CLEC16A: variants seen among roughly 807,000 people sequenced by gnomAD.
CLEC16A encodes C-type lectin domain containing 16A.
CLEC16A carries 51 observed loss-of-function variants against 109.5 expected under a neutral mutation model. The ratio of observed to expected loss-of-function variants is 0.47; its 90% CI spans 0.37 to 0.59. The LOEUF (loss-of-function observed/expected upper bound fraction) is 0.59, where lower values mean the gene tolerates loss of function less well. Ranked by LOEUF, CLEC16A falls within the 20% of genes least tolerant of loss-of-function variation. CLEC16A has a pLI of 0.00. For synonymous variants in CLEC16A, 673 were observed against 564.2 expected (o/e 1.19, Z -2.73); for missense variants, 1,339 against 1,394.0 (o/e 0.96, Z 0.63).
intron 12 of CLEC16A, among the ~76,000 whole-genome samples, chr16:11,020,666 C>A (rs2046046328): frequency 6.6e-6 from 1 of 152,244 alleles, no homozygotes. Context: ...AGGAAGGATC[C>A]CCTCAGTAGC....
At chr16:11,083,103 A>T (rs1288762051) in intron 19 of CLEC16A, among the ~76,000 whole-genome samples, 1 of 152,170 alleles carries the variant, frequency 6.6e-6, no homozygotes, top group East Asian at 1.9e-4. Flanking sequence ...TCAGCAGCTC[A>T]CCATGTAGGG....
chr16:11,051,406 A>C (rs2047933205), intron 17 of CLEC16A, 107 bp from the exon 18 acceptor site: 2 of 1,150,238 alleles, frequency 1.7e-6, no homozygotes, highest in Non-Finnish European at 2.5e-6. Context: ...ACTCATTTAC[A>C]TTTACTAAAT....
intron 10 of CLEC16A, among the ~76,000 whole-genome samples, chr16:10,985,202 C>CAAAAA (rs1157089518): frequency 9.6e-6 from 1 of 103,690 alleles, no homozygotes; most frequent in African/African-American, 3.9e-5. Flanking sequence ...GACTCCATCT[C>CAAAAA]AAAAAAAAAA....
chr16:10,980,480 G>T (rs1225632656), intron 9 of CLEC16A, among the ~76,000 whole-genome samples: 1 of 151,984 alleles, frequency 6.6e-6, no homozygotes, highest in Non-Finnish European at 1.5e-5. Flanking sequence ...CTCAGCCCCA[G>T]GAATCATATG....
chr16:11,031,293 G>A (rs2046728070), intron 13 of CLEC16A, among the ~76,000 whole-genome samples: 1 of 151,528 alleles, frequency 6.6e-6, no homozygotes, highest in Non-Finnish European at 1.5e-5. Context: ...TGGTGTAGAT[G>A]CCAGGCTCCA....
intron 5 of CLEC16A, chr16:10,971,642 G>GAAC (rs1273046553): frequency 4.4e-6 from 2 of 459,218 alleles, no homozygotes; most frequent in Non-Finnish European, 5.7e-6. Context: ...GTCACATTGT[G>GAAC]AACAGCAGGG....
intron 19 of CLEC16A, among the ~76,000 whole-genome samples, chr16:11,069,539 A>G (rs554542766): frequency 6.6e-5 from 10 of 152,142 alleles, no homozygotes; most frequent in African/African-American, 1.4e-4. Flanking sequence ...GGCTCAAGCA[A>G]TCCTACTGCT....
intron 22 of CLEC16A, among the ~76,000 whole-genome samples, chr16:11,140,596 C>T (rs1162559056): frequency 3.3e-5 from 5 of 152,128 alleles, no homozygotes; most frequent in African/African-American, 9.7e-5. Flanking sequence ...CTGGCCTGTC[C>T]TCCTGTCCCC....
intron 19 of CLEC16A, among the ~76,000 whole-genome samples, chr16:11,075,569 T>C (rs2049324919): frequency 6.6e-6 from 1 of 152,050 alleles, no homozygotes; most frequent in South Asian, 2.1e-4. Flanking sequence ...CTAGAGTAGC[T>C]GGGACCACAG....
intron 11 of CLEC16A, among the ~76,000 whole-genome samples, chr16:11,009,117 C>T (rs926429381): frequency 2.0e-5 from 3 of 152,218 alleles, no homozygotes; most frequent in Non-Finnish European, 4.4e-5. Context: ...CTCCCCACCC[C>T]ACCCTTTGAT....
At chr16:11,013,316 T>C (rs951120661) in intron 11 of CLEC16A, among the ~76,000 whole-genome samples, 10 of 152,214 alleles carry the variant, frequency 6.6e-5, no homozygotes, top group Admixed American at 1.3e-4. Context: ...CAGAGTGGAT[T>C]TGGTATTCAT....
At chr16:11,089,713 A>G (rs1346997794) in intron 19 of CLEC16A, among the ~76,000 whole-genome samples, 1 of 152,176 alleles carries the variant, frequency 6.6e-6, no homozygotes, top group African/African-American at 2.4e-5. Context: ...TTCTTCCCAT[A>G]TATCCCAGGT....
chr16:11,033,642 A>G (rs571605468), intron 13 of CLEC16A, among the ~76,000 whole-genome samples: 2 of 152,250 alleles, frequency 1.3e-5, no homozygotes, highest in African/African-American at 2.4e-5. Flanking sequence ...TTACCCCCCA[A>G]ATCAGGTCCC....
chr16:11,168,391 C>T (rs2068362073), intron 23 of CLEC16A, among the ~76,000 whole-genome samples: 1 of 152,210 alleles, frequency 6.6e-6, no homozygotes, highest in Non-Finnish European at 1.5e-5. Context: ...AGAGTCAGGA[C>T]CTCCGAGGTG....
intron 10 of CLEC16A, among the ~76,000 whole-genome samples, chr16:10,989,323 C>T (rs538694238): frequency 1.3e-5 from 2 of 152,096 alleles, no homozygotes; most frequent in Admixed American, 6.6e-5. Context: ...CCAGGTCAAA[C>T]GATCCTCCCA....
chr16:11,157,479 A>G (rs959276352), intron 22 of CLEC16A, among the ~76,000 whole-genome samples: 1 of 152,172 alleles, frequency 6.6e-6, no homozygotes, highest in Non-Finnish European at 1.5e-5. Context: ...ATCATCTGAG[A>G]CTTATTAAAG....
intron 23 of CLEC16A, 58 bp downstream of exon 23, chr16:11,166,610 C>A (rs922320329): frequency 1.2e-5 from 18 of 1,477,796 alleles, no homozygotes; most frequent in Non-Finnish European, 1.5e-5. Context: ...TGATCCCTCA[C>A]CATTACCAAA....
At chr16:11,117,823 C>T (rs750287074) in intron 19 of CLEC16A, among the ~76,000 whole-genome samples, 5 of 152,072 alleles carry the variant, frequency 3.3e-5, no homozygotes, top group Non-Finnish European at 7.4e-5. Flanking sequence ...AGGTTGTTTC[C>T]GGACTGAGCT....
chr16:11,147,254 C>G (rs1377827212), intron 22 of CLEC16A, among the ~76,000 whole-genome samples: 1 of 152,184 alleles, frequency 6.6e-6, no homozygotes, highest in Non-Finnish European at 1.5e-5. Context: ...ATAAGGGGAG[C>G]TGAGACCCCA....
Sources: allele counts gnomAD v4.1 joint callset (sites outside exome capture counted in the v4.1 genomes callset), GRCh38; gene constraint gnomAD v4.1.1; transcripts MANE v1.5; gene names NCBI Gene and HGNC (gene_info 2026-07-23, HGNC 2026-07-21).